Variants in RBFOX1 observed in about 807,000 individuals in gnomAD.
RBFOX1 encodes the protein RNA binding fox-1 homolog 1.
RBFOX1 carries 8 observed loss-of-function variants against 57.7 expected under a neutral mutation model. The ratio of observed to expected loss-of-function variants is 0.14; its 90% CI spans 0.08 to 0.25. The LOEUF (loss-of-function observed/expected upper bound fraction) is 0.25, where lower values mean the gene tolerates loss of function less well. Ranked by LOEUF, RBFOX1 falls within the 10% of genes least tolerant of loss-of-function variation. The pLI is 1.00. For synonymous variants in RBFOX1, 326 were observed against 222.4 expected (o/e 1.47, Z -4.15); for missense variants, 611 against 548.5 (o/e 1.11, Z -1.14).
At chr16:6,752,353 A>C (rs1184348482) in intron 3 of RBFOX1, among the ~76,000 whole-genome samples, 1 of 152,196 alleles carries the variant, frequency 6.6e-6, no homozygotes, top group Middle Eastern at 3.2e-3. Context: ...TCTCAGTCTA[A>C]TTAATATGCT....
rs1237071414 is a variant in RBFOX1 at position 7,681,164 on chromosome 16, ATTAT to A, written c.995+4330_995+4333del. ...ATAGAGGATTTAGTCTTATTTTAAA[ATTAT>A]TTAAGTGACAGAGATAGACATATAC... On this transcript the variant is annotated intron_variant, in intron 14 of 15. Transcript: ENST00000550418. Among the ~76,000 whole-genome samples the A allele has an allele frequency of 3.9e-5, 6 of 152,304 alleles. No homozygotes were observed. The East Asian group carries it at 7.7e-4, about 20-fold the overall frequency.
chr16:7,567,721 TATCCCTATATATA>T, intron 5 of RBFOX1, among the ~76,000 whole-genome samples: 1 of 85,618 alleles, frequency 1.2e-5, no homozygotes, highest in South Asian at 3.7e-4. Context: ...TATATATATA[TATCCCTATATATA>T]ATCCCTATAT....
At chr16:5,329,982 CAAAA>C (rs71142613) in intron 1 of RBFOX1, among the ~76,000 whole-genome samples, 1 of 144,650 alleles carries the variant, frequency 6.9e-6, no homozygotes, top group Admixed American at 6.6e-5. Flanking sequence ...GACTCTGTCT[CAAAA>C]AAAAAAAAAA....
At chr16:5,242,932 G>A (rs2062203699) in intron 1 of RBFOX1, among the ~76,000 whole-genome samples, 1 of 145,926 alleles carries the variant, frequency 6.9e-6, no homozygotes, top group South Asian at 2.3e-4. Context: ...GCCCCCAGGA[G>A]CCCCTGAGTG....
intron 12 of RBFOX1, among the ~76,000 whole-genome samples, chr16:7,655,318 G>T (rs180813973): frequency 2.6e-5 from 4 of 152,156 alleles, no homozygotes; most frequent in African/African-American, 9.7e-5. Context: ...TTCTTGTGTA[G>T]TCATTTGAAT....
chr16:7,685,204 A>G (rs1048751010), intron 14 of RBFOX1, among the ~76,000 whole-genome samples: 3 of 152,126 alleles, frequency 2.0e-5, no homozygotes, highest in African/African-American at 4.8e-5. Context: ...CCGATATGCC[A>G]TAATGTTGAC....
intron 1 of RBFOX1, among the ~76,000 whole-genome samples, chr16:5,251,463 G>A (rs1201572172): frequency 6.6e-6 from 1 of 152,210 alleles, no homozygotes; most frequent in African/African-American, 2.4e-5. Flanking sequence ...TTGTCTTAGT[G>A]CCGAGCCCAG....
Position 5,378,894 on chromosome 16 carries a change from C to T in RBFOX1, c.220-88322C>T, listed in dbSNP as rs115059105. 1.1e-3 allele frequency among the ~76,000 whole-genome samples: 161 copies of T among 151,578 alleles called. 11 individuals are homozygous for T. Among genetic ancestry groups the T allele is most frequent in the African/African-American group, 3.9e-3 (159 of 40,902 alleles). On this transcript the variant is annotated intron_variant, in intron 1 of 2. Coordinates refer to the RBFOX1 transcript ENST00000585867. ...TGGATTAGGCAGAGTAGACTGTATA[C>T]ATAGAGAGATTTCAAGGGCTTGGGA...
chr16:6,801,981 C>T (rs945656871), intron 3 of RBFOX1, among the ~76,000 whole-genome samples: 2 of 152,038 alleles, frequency 1.3e-5, no homozygotes, highest in South Asian at 2.1e-4. Flanking sequence ...TTACCCTTAT[C>T]TTGTCTCGTG....
chr16:5,987,622 G>A (rs2060308136), intron 4 of RBFOX1, among the ~76,000 whole-genome samples: 1 of 152,152 alleles, frequency 6.6e-6, no homozygotes. Context: ...AGAATCACTT[G>A]AGGCCAGGAG....
At chr16:7,106,985 ACAC>A (rs1291355056) in intron 4 of RBFOX1, among the ~76,000 whole-genome samples, 2 of 68,974 alleles carry the variant, frequency 2.9e-5, no homozygotes, top group Non-Finnish European at 5.2e-5. Context: ...CACAGTTAAA[ACAC>A]ACACACACAC....
intron 1 of RBFOX1, among the ~76,000 whole-genome samples, chr16:6,280,423 A>C (rs775367598): frequency 2.6e-5 from 4 of 152,072 alleles, no homozygotes; most frequent in Non-Finnish European, 4.4e-5. Flanking sequence ...TACCTTTAGT[A>C]GGAGAAAGAT....
intron 2 of RBFOX1, among the ~76,000 whole-genome samples, chr16:5,591,832 C>T (rs532135726): frequency 1.3e-5 from 2 of 152,148 alleles, no homozygotes; most frequent in African/African-American, 2.4e-5. Flanking sequence ...CCATGAATAT[C>T]CTTGGCACAA....
chr16:6,603,572 C>G (rs187846179), intron 2 of RBFOX1, among the ~76,000 whole-genome samples: 1 of 152,244 alleles, frequency 6.6e-6, no homozygotes, highest in Admixed American at 6.5e-5. Flanking sequence ...TGATTCTGAG[C>G]CTCTTGGGGT....
chr16:6,204,897 C>G (rs1039295593), intron 1 of RBFOX1, among the ~76,000 whole-genome samples: 1 of 152,106 alleles, frequency 6.6e-6, no homozygotes, highest in Non-Finnish European at 1.5e-5. Context: ...CATAAATGCA[C>G]GATAACACAC....
intron 4 of RBFOX1, among the ~76,000 whole-genome samples, chr16:7,512,056 C>A (rs1421371309): frequency 6.6e-6 from 1 of 151,788 alleles, no homozygotes; most frequent in Non-Finnish European, 1.5e-5. Flanking sequence ...CCACAAGCAC[C>A]CTGACTCTGC....
intron 4 of RBFOX1, among the ~76,000 whole-genome samples, chr16:7,397,074 C>T (rs554646652): frequency 2.4e-4 from 36 of 152,140 alleles, no homozygotes; most frequent in African/African-American, 7.7e-4. Flanking sequence ...GAAAACTTAG[C>T]ACATGAAAAA....
intron 1 of RBFOX1, among the ~76,000 whole-genome samples, chr16:6,120,299 G>A (rs1421450513): frequency 6.6e-6 from 1 of 152,204 alleles, no homozygotes; most frequent in Non-Finnish European, 1.5e-5. Context: ...ACCTAGGAGT[G>A]GAATTGCTGG....
chr16:6,980,622 C>G (rs1212086844), intron 3 of RBFOX1, among the ~76,000 whole-genome samples: 3 of 152,010 alleles, frequency 2.0e-5, no homozygotes, highest in East Asian at 1.9e-4. Context: ...CTGAAAAACT[C>G]CAATTATCAG....
Sources: gnomAD v4.1 joint callset for allele counts (sites outside exome capture counted in the v4.1 genomes callset) on GRCh38, gnomAD v4.1.1 for gene constraint, MANE v1.5 for transcripts, NCBI Gene and HGNC (gene_info 2026-07-23, HGNC 2026-07-21) for gene names.